Variants in CARMIL1 observed in about 807,000 individuals in gnomAD.
CARMIL1 encodes capping protein regulator and myosin 1 linker 1, also known as F-actin-uncapping protein LRRC16A.
Under a neutral mutation model 177.1 loss-of-function variants are expected in CARMIL1, and 90 were observed. The ratio of observed to expected loss-of-function variants is 0.51; its 90% CI spans 0.43 to 0.61. The LOEUF (loss-of-function observed/expected upper bound fraction) is 0.61. Ranked by LOEUF, CARMIL1 falls within the 20% of genes least tolerant of loss-of-function variation. The pLI is 0.00. For synonymous variants in CARMIL1, 577 were observed against 606.2 expected, an observed-to-expected ratio of 0.95 and a Z score of 0.71; for missense variants, 1,380 against 1,667.0, an observed-to-expected ratio of 0.83 and a Z score of 3.00.
chr6:25,496,022 G>A (rs1803670249), intron 16 of CARMIL1, among the ~76,000 whole-genome samples: 1 of 152,150 alleles, frequency 6.6e-6, no homozygotes, highest in African/African-American at 2.4e-5. Context: ...CCCTTGTAAT[G>A]TGTATGAAAT....
At chr6:25,611,885 C>T (rs963103761) in intron 36 of CARMIL1, among the ~76,000 whole-genome samples, 8 of 152,130 alleles carry the variant, frequency 5.3e-5, no homozygotes, top group Non-Finnish European at 1.5e-5. Flanking sequence ...CTCTTAGCTG[C>T]CGTGAAAAAG....
At chr6:25,543,950 T>C (rs1220607473) in intron 26 of CARMIL1, among the ~76,000 whole-genome samples, 2 of 152,130 alleles carry the variant, frequency 1.3e-5, no homozygotes, top group Non-Finnish European at 2.9e-5. Flanking sequence ...CCATTAGTTA[T>C]TTTTACAGGT....
chr6:25,417,930 C>T (rs956172494), intron 2 of CARMIL1, among the ~76,000 whole-genome samples: 22 of 151,984 alleles, frequency 1.4e-4, no homozygotes, highest in African/African-American at 5.3e-4. Flanking sequence ...ATAGAAAATG[C>T]TCGACAAAGA....
intron 31 of CARMIL1, among the ~76,000 whole-genome samples, chr6:25,584,509 A>G (rs1813458566): frequency 6.6e-6 from 1 of 151,396 alleles, no homozygotes; most frequent in South Asian, 2.1e-4. Flanking sequence ...AGAGAAAAGC[A>G]TAAGAGAATT....
intron 35 of CARMIL1, among the ~76,000 whole-genome samples, chr6:25,609,142 T>G (rs1250697984): frequency 6.6e-6 from 1 of 152,062 alleles, no homozygotes; most frequent in Admixed American, 6.5e-5. Flanking sequence ...TTCTTTCAAT[T>G]AGGGTGAAAC....
At chr6:25,281,559 G>A (rs902669667) in intron 1 of CARMIL1, among the ~76,000 whole-genome samples, 2 of 152,092 alleles carry the variant, frequency 1.3e-5, no homozygotes, top group Non-Finnish European at 2.9e-5. Flanking sequence ...TAAAAGTTGA[G>A]TTTGACCTTT....
At position 25,537,956 on chromosome 6, in the gene CARMIL1, C is replaced by T. The variant is rs1278990744; in HGVS notation, c.2169C>T (p.Leu723=). The T allele has an allele frequency of 5.0e-6, 8 of 1,604,412 alleles. No individual in the cohort carries two copies. The East Asian group carries it at 1.6e-4, about 31-fold the overall frequency. Residue 723 remains leucine, a synonymous_variant, in exon 25 of 37, where the codon CTC becomes CTT. Transcript: ENST00000329474. ...AAGATTTAAAATCAGCAGAGCGGCT[C>T]ATGCGTGATGCTAAGAACTCTAAAA... ...IQEDLKSAER[L]MRDAKNSKTL...
chr6:25,488,535 C>T lies in CARMIL1; in HGVS notation c.1015C>T (p.Leu339Phe). ...TGCCAATCCATTGACCGCCTCTACC[C>T]TTGTCCACCTCGACCTCTCAGGGAA... ...LSANPLTAST[L>F]VHLDLSGNVL... Residue 339 changes from leucine to phenylalanine, a missense_variant, in exon 13 of 37, where the codon CTT (leucine) becomes TTT (phenylalanine). Leu to Phe is a conservative substitution (Grantham distance 22). Coordinates refer to ENST00000329474, the MANE Select transcript of CARMIL1 (RefSeq NM_017640.6). 1 of 1,614,024 alleles carries T rather than the reference C, an allele frequency of 6.2e-7. No homozygotes were observed. Among genetic ancestry groups the T allele is most frequent in the Non-Finnish European group, 8.5e-7 (1 of 1,179,882 alleles).
chr6:25,519,525 AGG>A (rs1806334398), intron 22 of CARMIL1, among the ~76,000 whole-genome samples: 1 of 152,204 alleles, frequency 6.6e-6, no homozygotes, highest in South Asian at 2.1e-4. Context: ...TGTGTTTAAT[AGG>A]CCTGCCAGTA....
intron 2 of CARMIL1, among the ~76,000 whole-genome samples, chr6:25,308,547 A>T (rs1313252263): frequency 1.3e-5 from 2 of 151,834 alleles, no homozygotes; most frequent in African/African-American, 4.8e-5. Context: ...ACACCTGGTT[A>T]ATTTTTTGTA....
At chr6:25,420,946 A>G (rs1795808166) in intron 3 of CARMIL1, among the ~76,000 whole-genome samples, 1 of 152,168 alleles carries the variant, frequency 6.6e-6, no homozygotes, top group Non-Finnish European at 1.5e-5. Flanking sequence ...AGATAACTTG[A>G]TCCTTAACAG....
chr6:25,483,938 T>G (rs1802381149), intron 12 of CARMIL1, among the ~76,000 whole-genome samples: 1 of 152,002 alleles, frequency 6.6e-6, no homozygotes, highest in Non-Finnish European at 1.5e-5. Context: ...CTGCTAATTT[T>G]TTTGTAGAGA....
intron 2 of CARMIL1, among the ~76,000 whole-genome samples, chr6:25,409,254 T>C (rs1461714184): frequency 6.6e-6 from 1 of 152,198 alleles, no homozygotes; most frequent in Non-Finnish European, 1.5e-5. Flanking sequence ...TGGGCTCAGC[T>C]CTGTTTCTAA....
intron 2 of CARMIL1, among the ~76,000 whole-genome samples, chr6:25,324,805 G>A (rs746091519): frequency 6.6e-6 from 1 of 152,146 alleles, no homozygotes; most frequent in African/African-American, 2.4e-5. Context: ...GTTTAGTAGA[G>A]GGCTGAAGTG....
chr6:25,520,704 T>C (rs1174282291), intron 23 of CARMIL1, among the ~76,000 whole-genome samples: 2 of 152,168 alleles, frequency 1.3e-5, no homozygotes, highest in African/African-American at 4.8e-5. Context: ...CCTCTCTTCT[T>C]TTTTCATCAA....
At chr6:25,464,048 T>C (rs1800374144) in intron 8 of CARMIL1, among the ~76,000 whole-genome samples, 1 of 152,026 alleles carries the variant, frequency 6.6e-6, no homozygotes, top group Non-Finnish European at 1.5e-5. Context: ...GGTCTCGATC[T>C]CCTGACCTCG....
At chr6:25,585,854 C>T (rs1219823775) in intron 31 of CARMIL1, among the ~76,000 whole-genome samples, 3 of 151,790 alleles carry the variant, frequency 2.0e-5, no homozygotes, top group Admixed American at 6.6e-5. Flanking sequence ...TCAGAGAGCA[C>T]GGGGTTGGGG....
At chr6:25,450,226 A>G (rs1475635150) in intron 6 of CARMIL1, 113 bp from the exon 7 acceptor site, 1 of 815,902 alleles carries the variant, frequency 1.2e-6, no homozygotes, top group East Asian at 2.6e-5. Context: ...TTTCCCCCCT[A>G]AAAAGGAAAA....
At chr6:25,452,464 A>C (rs1799069162) in intron 8 of CARMIL1, 2 of 419,246 alleles carry the variant, frequency 4.8e-6, no homozygotes, top group Non-Finnish European at 8.4e-6. Context: ...GTCCCTTTAC[A>C]ATCTTAAAAA....
Sources: allele counts gnomAD v4.1 joint callset (sites outside exome capture counted in the v4.1 genomes callset), GRCh38; gene constraint gnomAD v4.1.1; transcripts MANE v1.5; gene names NCBI Gene and HGNC (gene_info 2026-07-23, HGNC 2026-07-21).